ASAH1: variants seen among roughly 807,000 people sequenced by gnomAD.
ASAH1 encodes acid ceramidase.
ASAH1 carries 70 observed loss-of-function variants against 59.5 expected under a neutral mutation model. The observed-to-expected ratio is 1.18, with a 90% CI of 0.97 to 1.43. ASAH1 has a LOEUF of 1.43. ASAH1 is among the 40% of genes most tolerant of loss of function. The probability of loss-of-function intolerance (pLI) is 0.00; values close to 1 mark genes in which losing one functional copy is unlikely to be tolerated. For missense variants in ASAH1, 660 were observed against 482.5 expected, an observed-to-expected ratio of 1.37 and a Z score of -3.45; for synonymous variants, 213 against 166.5, an observed-to-expected ratio of 1.28 and a Z score of -2.15.
At chr8:18,060,963 G>T in intron 10 of ASAH1, 1 of 185,822 alleles carries the variant, frequency 5.4e-6, no homozygotes, top group Non-Finnish European at 1.1e-5. Flanking sequence ...ATGTTGCTCA[G>T]ACTGGTCTCA....
intron 4 of ASAH1, 47 bp downstream of exon 4, chr8:18,069,745 C>T (rs1490044194): frequency 7.4e-7 from 1 of 1,347,626 alleles, no homozygotes; most frequent in Non-Finnish European, 1.1e-6. Context: ...AATAACAGCG[C>T]ATTTTCTATG....
chr8:18,079,178 T>C (rs1015303012), intron 1 of ASAH1, among the ~76,000 whole-genome samples: 1 of 148,796 alleles, frequency 6.7e-6, no homozygotes, highest in Non-Finnish European at 1.5e-5. Context: ...AAGGCTGAGG[T>C]AGGAGAATTG....
intron 9 of ASAH1, 33 bp downstream of exon 9, chr8:18,061,653 G>C: frequency 6.3e-7 from 1 of 1,575,356 alleles, no homozygotes; most frequent in Non-Finnish European, 8.6e-7. Context: ...AAAGCTCTGA[G>C]ATTCCCATTT....
chr8:18,079,092 C>T (rs1326826703), intron 1 of ASAH1, among the ~76,000 whole-genome samples: 1 of 151,646 alleles, frequency 6.6e-6, no homozygotes, highest in Non-Finnish European at 1.5e-5. Flanking sequence ...GCCTGGCCAA[C>T]ATGGCGAAAT....
intron 1 of ASAH1, among the ~76,000 whole-genome samples, chr8:18,080,461 C>T (rs1179475072): frequency 6.6e-6 from 1 of 152,128 alleles, no homozygotes; most frequent in Non-Finnish European, 1.5e-5. Flanking sequence ...CCTCCAGTTG[C>T]CCAACATCAT....
chr8:18,057,948 C>G (rs186923968), intron 13 of ASAH1: 3 of 167,352 alleles, frequency 1.8e-5, no homozygotes, highest in African/African-American at 7.2e-5. Flanking sequence ...TGCTCCACCC[C>G]CAATGCTTTA....
intron 2 of ASAH1, among the ~76,000 whole-genome samples, chr8:18,075,090 G>A (rs1436261145): frequency 6.7e-6 from 1 of 148,380 alleles, no homozygotes; most frequent in Non-Finnish European, 1.5e-5. Flanking sequence ...CCGCCTCCCG[G>A]GTTCACGCCA....
upstream of ASAH1, chr8:18,084,427 G>C (rs986056225): frequency 1.1e-5 from 15 of 1,372,496 alleles, no homozygotes; most frequent in Middle Eastern, 2.7e-4. Flanking sequence ...TCGATGGGGC[G>C]CCTCTAGCAG....
intron 3 of ASAH1, 34 bp from the exon 4 acceptor site, chr8:18,069,912 T>C (rs752021706): frequency 4.2e-6 from 6 of 1,434,584 alleles, no homozygotes; most frequent in South Asian, 2.3e-5. Context: ...CTAAAAGACA[T>C]AATGAAATGC....
At chr8:18,071,977 T>G (rs1442727041) in intron 2 of ASAH1, among the ~76,000 whole-genome samples, 2 of 152,210 alleles carry the variant, frequency 1.3e-5, no homozygotes, top group African/African-American at 4.8e-5. Flanking sequence ...CTGGACAAAG[T>G]CCAAGCCCAA....
At chr8:18,080,301 C>T (rs970276475) in intron 1 of ASAH1, among the ~76,000 whole-genome samples, 4 of 152,186 alleles carry the variant, frequency 2.6e-5, no homozygotes, top group African/African-American at 9.7e-5. Flanking sequence ...TAAGCCATTA[C>T]GTTTCATCTT....
At chr8:18,059,911 C>T in intron 10 of ASAH1, 1 of 500,728 alleles carries the variant, frequency 2.0e-6, no homozygotes, top group Non-Finnish European at 3.5e-6. Context: ...GGTATTTGTC[C>T]TAATGCTCTC....
At chr8:18,073,756 A>G (rs1437691914) in intron 2 of ASAH1, among the ~76,000 whole-genome samples, 2 of 152,234 alleles carry the variant, frequency 1.3e-5, no homozygotes, top group Non-Finnish European at 2.9e-5. Flanking sequence ...TTGTCATTCA[A>G]AGGTACATAA....
chr8:18,080,393 T>A (rs2117095179), intron 1 of ASAH1, among the ~76,000 whole-genome samples: 1 of 152,290 alleles, frequency 6.6e-6, no homozygotes, highest in South Asian at 2.1e-4. Flanking sequence ...CAATCACACT[T>A]AGCCTACCGC....
chr8:18,078,593 T>C (rs921686621), intron 1 of ASAH1, among the ~76,000 whole-genome samples: 2 of 152,144 alleles, frequency 1.3e-5, no homozygotes, highest in African/African-American at 2.4e-5. Context: ...AAAAGAATTC[T>C]ACAGGGAGAC....
At chr8:18,084,535 C>G (rs2117110404), upstream of ASAH1, 1 of 1,451,594 alleles carries the variant, frequency 6.9e-7, no homozygotes, top group East Asian at 2.5e-5. Flanking sequence ...CCTGACCCAT[C>G]TTTGCCCTCT....
chr8:18,076,579 G>A (rs1484033007), intron 1 of ASAH1: 2 of 152,212 alleles, frequency 1.3e-5, no homozygotes, highest in Non-Finnish European at 2.9e-5. Flanking sequence ...TGGAGAACCA[G>A]TTCTGTGAAA....
chr8:18,075,001 C>CTTTTTTTTTTTT (rs769278694), intron 2 of ASAH1, among the ~76,000 whole-genome samples: 69 of 148,522 alleles, frequency 4.6e-4, no homozygotes, highest in South Asian at 8.6e-4. Flanking sequence ...AAAATCCTTT[C>CTTTTTTTTTTTT]CTTTTTTTTT....
In ASAH1 at chr8:18,063,194, A is replaced by G. The variant is rs760797756; in HGVS notation, c.494T>C (p.Val165Ala). ...TTTGTTCTTTACTTACCCAAGAAAT[A>G]CTCCAAAATCCATGTTTCTCCCATG... ...LIHGRNMDFGVFLGWNINNDT... is the reference protein window; with the variant it reads ...LIHGRNMDFGAFLGWNINNDT... The change falls in exon 7 of 14, where the codon GTA (valine) becomes GCA (alanine). Residue 165 changes from valine to alanine, a missense_variant. Coordinates refer to ENST00000637790, the MANE Select transcript of ASAH1 (RefSeq NM_177924.5). 2.5e-6 allele frequency: 4 copies of G among 1,613,742 alleles called. No individual in the cohort carries two copies. Among genetic ancestry groups the G allele is most frequent in the South Asian group, 1.1e-5 (1 of 91,068 alleles).
Sources: gnomAD v4.1 joint callset for allele counts (sites outside exome capture counted in the v4.1 genomes callset) on GRCh38, gnomAD v4.1.1 for gene constraint, MANE v1.5 for transcripts, NCBI Gene and HGNC (gene_info 2026-07-23, HGNC 2026-07-21) for gene names.